CDH11: variants seen among roughly 807,000 people sequenced by gnomAD.
CDH11 encodes the protein cadherin 11.
CDH11 carries 11 observed loss-of-function variants against 67.8 expected under a neutral mutation model. The observed-to-expected ratio is 0.16, with a 90% CI of 0.10 to 0.27. CDH11 has a LOEUF of 0.27. Among genes scored for constraint, CDH11 ranks in the 10% least tolerant of loss-of-function variants. The pLI is 1.00. For missense variants in CDH11, 847 were observed against 1,031.2 expected, an observed-to-expected ratio of 0.82 and a Z score of 2.45; for synonymous variants, 419 against 400.0, an observed-to-expected ratio of 1.05 and a Z score of -0.57.
intron 11 of CDH11, among the ~76,000 whole-genome samples, chr16:64,960,295 A>T (rs191949893): frequency 6.6e-6 from 1 of 152,272 alleles, no homozygotes; most frequent in African/African-American, 2.4e-5. Flanking sequence ...TTCCATAATA[A>T]TAACTAATTC....
chr16:65,102,505 C>T (rs990439819), intron 1 of CDH11, among the ~76,000 whole-genome samples: 3 of 152,248 alleles, frequency 2.0e-5, no homozygotes, highest in African/African-American at 7.2e-5. Flanking sequence ...AATACATTAA[C>T]TCTGGACTTG....
At chr16:65,063,498 C>T (rs1451242503) in intron 1 of CDH11, among the ~76,000 whole-genome samples, 1 of 152,138 alleles carries the variant, frequency 6.6e-6, no homozygotes, top group Non-Finnish European at 1.5e-5. Context: ...ACTTCTTCTA[C>T]AATATTCATA....
chr16:65,035,561 A>G (rs1035408953), intron 2 of CDH11, among the ~76,000 whole-genome samples: 2 of 152,220 alleles, frequency 1.3e-5, no homozygotes, highest in African/African-American at 4.8e-5. Context: ...TTATAGCTAT[A>G]TACTTAAAAA....
intron 1 of CDH11, among the ~76,000 whole-genome samples, chr16:65,106,191 G>A (rs1464817157): frequency 1.3e-5 from 2 of 152,156 alleles, no homozygotes; most frequent in Non-Finnish European, 2.9e-5. Context: ...AATCCCTCCT[G>A]TAGGGAGGTA....
intron 1 of CDH11, among the ~76,000 whole-genome samples, chr16:65,089,193 A>C (rs1420925385): frequency 2.0e-5 from 3 of 152,042 alleles, no homozygotes; most frequent in African/African-American, 7.2e-5. Context: ...CTTTCCTGCA[A>C]CTGAAACAGC....
chr16:65,021,168 T>C (rs1328489942), intron 2 of CDH11, among the ~76,000 whole-genome samples: 1 of 152,136 alleles, frequency 6.6e-6, no homozygotes, highest in Non-Finnish European at 1.5e-5. Context: ...TCACTGAAAG[T>C]ATATTCCCTA....
intron 12 of CDH11, among the ~76,000 whole-genome samples, chr16:64,949,545 G>A (rs549431950): frequency 1.3e-5 from 2 of 150,654 alleles, no homozygotes; most frequent in Admixed American, 1.3e-4. Flanking sequence ...TCCTGCCTCA[G>A]CCTCCCAAGT....
intron 11 of CDH11, among the ~76,000 whole-genome samples, chr16:64,969,815 T>C (rs763709999): frequency 6.6e-5 from 10 of 152,226 alleles, no homozygotes; most frequent in Non-Finnish European, 1.0e-4. Flanking sequence ...TGCCTGAGTT[T>C]CCTTGTTTTG....
intron 1 of CDH11, among the ~76,000 whole-genome samples, chr16:65,061,833 G>C (rs1394530837): frequency 6.6e-6 from 1 of 152,138 alleles, no homozygotes; most frequent in Admixed American, 6.5e-5. Flanking sequence ...ATTTCCAATG[G>C]ACCAGGTCCT....
chr16:65,031,565 G>C (rs532427440), intron 2 of CDH11, among the ~76,000 whole-genome samples: 1 of 152,162 alleles, frequency 6.6e-6, no homozygotes, highest in South Asian at 2.1e-4. Flanking sequence ...CCAGGCAGAG[G>C]GAACAGCAGG....
intron 7 of CDH11, 32 bp from the exon 8 acceptor site, chr16:64,982,333 A>G (rs1466273414): frequency 6.4e-7 from 1 of 1,555,630 alleles, no homozygotes; most frequent in African/African-American, 1.4e-5. Context: ...TTGACAACCA[A>G]TTCCTTGAAA....
Position 64,945,828 on chromosome 16 carries a change from C to T in CDH11, c.*1775G>A, listed in dbSNP as rs2071186011. ...GATATCAAGAAATGCTTGAAACAAA[C>T]TTTCACAATAAAGTCAGAAAAAAAC... On this transcript the variant is annotated 3_prime_UTR_variant, in exon 13 of 13. Transcript: ENST00000268603. The T allele has an allele frequency of 6.7e-6, 7 of 1,050,990 alleles. No individual in the cohort carries two copies. Among genetic ancestry groups the T allele is most frequent in the Non-Finnish European group, 8.0e-6 (7 of 870,300 alleles). The allele number at this position is 1,050,990 out of a possible 1,614,324, so 65.1% of individuals were successfully genotyped here. A position where few individuals can be genotyped will look rare whatever the true frequency, so the allele number is the denominator to read the frequency against.
At chr16:64,954,941 T>TAAAA (rs1283961121) in intron 11 of CDH11, among the ~76,000 whole-genome samples, 1 of 64,306 alleles carries the variant, frequency 1.6e-5, no homozygotes, top group Admixed American at 2.1e-4. Context: ...CTCTCTCTAC[T>TAAAA]AAAAAATAAA....
chr16:64,973,450 G>C (rs35227), intron 8 of CDH11, among the ~76,000 whole-genome samples: 109,100 of 152,080 alleles, frequency 0.72, 41,491 homozygotes, highest in East Asian at 1. Flanking sequence ...TTTTAAATCC[G>C]TTCAAGTGTA....
intron 2 of CDH11, among the ~76,000 whole-genome samples, chr16:65,014,245 C>A (rs1400397454): frequency 6.6e-6 from 1 of 152,030 alleles, no homozygotes; most frequent in African/African-American, 2.4e-5. Flanking sequence ...ATAAAGTAGA[C>A]CAGGGTCGTT....
chr16:64,960,813 G>A (rs896460688), intron 11 of CDH11, among the ~76,000 whole-genome samples: 2 of 152,078 alleles, frequency 1.3e-5, no homozygotes, highest in African/African-American at 2.4e-5. Flanking sequence ...AGGAAATGGA[G>A]AGGCAGGAAA....
chr16:64,962,581 C>T (rs2071702589), intron 11 of CDH11, among the ~76,000 whole-genome samples: 1 of 152,154 alleles, frequency 6.6e-6, no homozygotes, highest in Non-Finnish European at 1.5e-5. Context: ...CCCCCTACCA[C>T]ACACATGCAC....
chr16:64,996,416 G>A (rs933100565), intron 4 of CDH11, among the ~76,000 whole-genome samples: 4 of 151,564 alleles, frequency 2.6e-5, no homozygotes, highest in African/African-American at 4.8e-5. Flanking sequence ...TTTGAACCCA[G>A]GAGGCAGAGA....
chr16:64,955,667 C>A (rs1484714637), intron 11 of CDH11, among the ~76,000 whole-genome samples: 6 of 152,064 alleles, frequency 3.9e-5, no homozygotes, highest in Non-Finnish European at 8.8e-5. Context: ...ATTGCTTGAG[C>A]CCAGGAGTTC....
Sources: allele counts gnomAD v4.1 joint callset (sites outside exome capture counted in the v4.1 genomes callset), GRCh38; gene constraint gnomAD v4.1.1; transcripts MANE v1.5; gene names NCBI Gene and HGNC (gene_info 2026-07-23, HGNC 2026-07-21).